Variants in DOK6 observed in about 807,000 individuals in gnomAD.
DOK6 encodes docking protein 6.
A neutral mutation model predicts 44.0 loss-of-function variants in DOK6; 22 were observed. That is an observed-to-expected ratio of 0.50 (90% CI 0.36 to 0.71). The LOEUF (loss-of-function observed/expected upper bound fraction) is 0.71, where lower values mean the gene tolerates loss of function less well. DOK6 is among the 30% of genes least tolerant of loss of function. The probability of loss-of-function intolerance (pLI) is 0.00; values close to 1 mark genes in which losing one functional copy is unlikely to be tolerated. For missense variants in DOK6, 340 were observed against 416.4 expected (o/e 0.82, Z 1.60); for synonymous variants, 166 against 145.5 (o/e 1.14, Z -1.01).
rs1916087267 is a variant in DOK6 at position 69,401,139 on chromosome 18, T to G, written c.-106T>G. On this transcript the variant is annotated 5_prime_UTR_variant, in exon 1 of 8. Transcript: ENST00000382713. ...GAAGAGCGGGCGGCGGCGCTGCTGC[T>G]GGCGGCGGCCGGCTGGATGCGAGAC... The G allele has an allele frequency of 8.4e-6, 10 of 1,195,232 alleles. No individual in the cohort carries two copies. The highest frequency in any genetic ancestry group is 1.1e-5 in the Non-Finnish European group (10 of 918,918). 74.0% of individuals were successfully genotyped at this position (1,195,232 alleles called of 1,614,324 possible). A position where few individuals can be genotyped will look rare whatever the true frequency, so the allele number is the denominator to read the frequency against.
intron 6 of DOK6, among the ~76,000 whole-genome samples, chr18:69,748,626 T>A (rs1979067342): frequency 6.6e-6 from 1 of 152,102 alleles, no homozygotes; most frequent in South Asian, 2.1e-4. Flanking sequence ...GATTTCTGGG[T>A]AAATAATGAA....
intron 1 of DOK6, among the ~76,000 whole-genome samples, chr18:69,403,497 C>G (rs1015232284): frequency 2.0e-5 from 3 of 152,136 alleles, no homozygotes; most frequent in Admixed American, 6.5e-5. Flanking sequence ...TAAAGTGCAG[C>G]CTTCATAGAA....
intron 1 of DOK6, among the ~76,000 whole-genome samples, chr18:69,417,307 G>C (rs931240779): frequency 6.6e-6 from 1 of 152,086 alleles, no homozygotes; most frequent in Non-Finnish European, 1.5e-5. Context: ...CATATTGTGA[G>C]ACACGTAACG....
chr18:69,666,718 G>A lies in DOK6; in HGVS notation c.290-11016G>A, dbSNP rs185804972. Among the ~76,000 whole-genome samples, 74 of 152,304 alleles carry A rather than the reference G, an allele frequency of 4.9e-4. 1 individual carries two copies. The highest frequency in any genetic ancestry group is 6.8e-3 in the Middle Eastern group (2 of 294). On this transcript the variant is annotated intron_variant, in intron 3 of 7. Coordinates refer to ENST00000382713, the MANE Select transcript of DOK6 (RefSeq NM_152721.6). ...TGAGATGAAGGAATGGAATGAGTTAGATGACAGATGTCAAAAATGACCCCA... is the reference window on the plus strand; with the variant it reads ...TGAGATGAAGGAATGGAATGAGTTAAATGACAGATGTCAAAAATGACCCCA...
At chr18:69,637,357 T>C (rs1984833165) in intron 3 of DOK6, among the ~76,000 whole-genome samples, 1 of 152,232 alleles carries the variant, frequency 6.6e-6, no homozygotes, top group African/African-American at 2.4e-5. Flanking sequence ...ATTTACATAT[T>C]AAAAGGCCTT....
chr18:69,751,738 C>T (rs994954183), intron 6 of DOK6, among the ~76,000 whole-genome samples: 3 of 152,052 alleles, frequency 2.0e-5, no homozygotes, highest in African/African-American at 7.2e-5. Flanking sequence ...GGTGCAGTGG[C>T]TCACACCTCT....
At chr18:69,722,469 C>T (rs961027843) in intron 5 of DOK6, among the ~76,000 whole-genome samples, 1 of 152,148 alleles carries the variant, frequency 6.6e-6, no homozygotes, top group Non-Finnish European at 1.5e-5. Flanking sequence ...AAATGCCCAT[C>T]GCTTTGGTGC....
rs79738647 is a variant in DOK6, at chr18:69,413,905, C to A, written c.66+12595C>A. Among the ~76,000 whole-genome samples the A allele has an allele frequency of 5.4e-3, 821 of 151,658 alleles. 9 individuals are homozygous for A. The highest frequency in any genetic ancestry group is 0.019 in the African/African-American group (776 of 41,368). On this transcript the variant is annotated intron_variant, in intron 1 of 7. Coordinates refer to ENST00000382713, the MANE Select transcript of DOK6 (RefSeq NM_152721.6). ...AACTGTACAGTAAATTTTTAAAAAA[C>A]CATAATTCAACCAGAAGACAGGCAA...
At chr18:69,636,933 A>G (rs529544153) in intron 3 of DOK6, among the ~76,000 whole-genome samples, 2 of 152,368 alleles carry the variant, frequency 1.3e-5, no homozygotes, top group South Asian at 4.1e-4. Flanking sequence ...AAATGAGGTG[A>G]GTTGACTTTG....
At chr18:69,606,689 A>G (rs948462108) in intron 3 of DOK6, among the ~76,000 whole-genome samples, 1 of 151,792 alleles carries the variant, frequency 6.6e-6, no homozygotes, top group Non-Finnish European at 1.5e-5. Context: ...GTGAAGATGC[A>G]GGATACGAGA....
At chr18:69,494,191 G>A (rs2144542324) in intron 1 of DOK6, among the ~76,000 whole-genome samples, 1 of 152,242 alleles carries the variant, frequency 6.6e-6, no homozygotes, top group Non-Finnish European at 1.5e-5. Context: ...AGAAGATTTG[G>A]TAGGCCAGGC....
At chr18:69,535,570 A>AATATATGTATGTGATTCAT (rs138253874) in intron 1 of DOK6, among the ~76,000 whole-genome samples, 8 of 151,592 alleles carry the variant, frequency 5.3e-5, no homozygotes, top group Non-Finnish European at 7.4e-5. Context: ...TACTCAGTTG[A>AATATATGTATGTGATTCAT]ATATATATAT....
At chr18:69,819,076 G>T (rs1270361679) in intron 7 of DOK6, among the ~76,000 whole-genome samples, 2 of 152,160 alleles carry the variant, frequency 1.3e-5, no homozygotes, top group African/African-American at 2.4e-5. Context: ...TTTTCATCTA[G>T]AACCTAGGAA....
intron 2 of DOK6, among the ~76,000 whole-genome samples, chr18:69,571,116 C>T (rs1224259277): frequency 2.6e-5 from 4 of 151,842 alleles, no homozygotes; most frequent in Non-Finnish European, 4.4e-5. Context: ...GTAAAACGGA[C>T]TCATACCATT....
At chr18:69,834,195 C>G (rs1981978824) in intron 7 of DOK6, among the ~76,000 whole-genome samples, 1 of 152,054 alleles carries the variant, frequency 6.6e-6, no homozygotes, top group Non-Finnish European at 1.5e-5. Context: ...GCTATTCATC[C>G]ATAAGAAAGA....
At chr18:69,521,975 T>C (rs575720508) in intron 1 of DOK6, among the ~76,000 whole-genome samples, 1 of 151,906 alleles carries the variant, frequency 6.6e-6, no homozygotes, top group East Asian at 1.9e-4. Flanking sequence ...ACTGTTTAGA[T>C]TAATGTCTTG....
chr18:69,757,907 C>T lies in DOK6; in HGVS notation c.856+34C>T. ...CTTTAATGTAAGAAAGCAGTGCCTC[C>T]ATAAGCTTCCTCCAGGTGGACTGAG... On this transcript the variant is annotated intron_variant, in intron 7 of 7. Transcript: ENST00000382713. 2 of 1,552,794 alleles carry T rather than the reference C, an allele frequency of 1.3e-6. 1 individual carries two copies.
chr18:69,728,765 T>A (rs1162659369), intron 5 of DOK6, among the ~76,000 whole-genome samples: 1 of 152,198 alleles, frequency 6.6e-6, no homozygotes, highest in Non-Finnish European at 1.5e-5. Flanking sequence ...CCTTCTCAAC[T>A]ACAAGCTGGT....
chr18:69,658,380 G>A (rs1228075179), intron 3 of DOK6, among the ~76,000 whole-genome samples: 1 of 152,106 alleles, frequency 6.6e-6, no homozygotes, highest in African/African-American at 2.4e-5. Context: ...TTCTTGTTGG[G>A]AGTCACACAT....
Sources: gnomAD v4.1 joint callset for allele counts (sites outside exome capture counted in the v4.1 genomes callset) on GRCh38, gnomAD v4.1.1 for gene constraint, MANE v1.5 for transcripts, NCBI Gene and HGNC (gene_info 2026-07-23, HGNC 2026-07-21) for gene names.